Variants in ZBTB44 observed in about 807,000 individuals in gnomAD.
The protein encoded by ZBTB44 is zinc finger and BTB domain containing 44, also known as zinc finger and BTB domain-containing protein 44.
A neutral mutation model predicts 54.0 loss-of-function variants in ZBTB44; 15 were observed. The ratio of observed to expected loss-of-function variants is 0.28; its 90% CI spans 0.19 to 0.43. The LOEUF (loss-of-function observed/expected upper bound fraction) is 0.43. Among genes scored for constraint, ZBTB44 ranks in the 20% least tolerant of loss-of-function variants. The pLI is 1.00. For synonymous variants in ZBTB44, 230 were observed against 250.1 expected, an observed-to-expected ratio of 0.92 and a Z score of 0.76; for missense variants, 487 against 707.1, an observed-to-expected ratio of 0.69 and a Z score of 3.53.
At chr11:130,304,300 T>C (rs1490555864) in intron 1 of ZBTB44, among the ~76,000 whole-genome samples, 1 of 152,168 alleles carries the variant, frequency 6.6e-6, no homozygotes, top group Non-Finnish European at 1.5e-5. Flanking sequence ...AAACACCCCA[T>C]AACGCTTATA....
In ZBTB44 at chr11:130,226,810, T is replaced by C. The variant is rs1953707265; in HGVS notation, c.*4954A>G. 1 of 152,192 alleles carries C rather than the reference T, an allele frequency of 6.6e-6. No homozygotes were observed. Among genetic ancestry groups the C allele is most frequent in the Non-Finnish European group, 1.5e-5 (1 of 68,036 alleles). The allele number at this position is 152,192 out of a possible 1,614,324, so 9.4% of individuals were successfully genotyped here. A position where few individuals can be genotyped will look rare whatever the true frequency, so the allele number is the denominator to read the frequency against. ...TCCCTTTCCTAACTGCAACTTTATGTGTGACCATGTAATAAAGGCCAGTTT... is the reference window on the plus strand; with the variant it reads ...TCCCTTTCCTAACTGCAACTTTATGCGTGACCATGTAATAAAGGCCAGTTT... On this transcript the variant is annotated 3_prime_UTR_variant, in exon 8 of 8. Transcript: ENST00000357899.
chr11:130,312,196 A>G (rs931549807), intron 1 of ZBTB44, among the ~76,000 whole-genome samples: 3 of 152,214 alleles, frequency 2.0e-5, no homozygotes, highest in African/African-American at 7.2e-5. Flanking sequence ...TTTAAGCAAA[A>G]GTCATCATGG....
intron 1 of ZBTB44, among the ~76,000 whole-genome samples, chr11:130,312,387 T>C (rs1942661351): frequency 6.6e-6 from 1 of 152,216 alleles, no homozygotes. Flanking sequence ...GAATCTGACA[T>C]TGTGTGCCTC....
intron 7 of ZBTB44, chr11:130,233,015 G>GAAAAA (rs931632488): frequency 4.4e-6 from 1 of 227,460 alleles, no homozygotes; most frequent in African/African-American, 2.6e-5. Context: ...TAAAAAAAAA[G>GAAAAA]AAAAAAAAAA....
chr11:130,262,264 C>A (rs1041177944), intron 1 of ZBTB44, among the ~76,000 whole-genome samples: 9 of 152,100 alleles, frequency 5.9e-5, no homozygotes, highest in Non-Finnish European at 1.0e-4. Context: ...CTCAGCCTCC[C>A]GAGTAGCTGG....
chr11:130,260,507 G>A (rs192871455), intron 2 of ZBTB44, among the ~76,000 whole-genome samples: 1 of 152,184 alleles, frequency 6.6e-6, no homozygotes, highest in Admixed American at 6.5e-5. Flanking sequence ...GTCATTGCAG[G>A]GACTATGTGT....
At chr11:130,294,718 T>C (rs951422089) in intron 1 of ZBTB44, among the ~76,000 whole-genome samples, 3 of 152,156 alleles carry the variant, frequency 2.0e-5, no homozygotes, top group Non-Finnish European at 4.4e-5. Context: ...TCCCACATGC[T>C]TAGTGTTCCA....
rs1236316633 is a variant in ZBTB44, at chr11:130,302,016, C to CA, written c.-57+12358dup. ...ATAATGAGCCACGATCACACCACTG[C>CA]ACTCCAGCCTAGGCGACAGAGGGAG... is the stretch of plus-strand genomic sequence containing the variant. On this transcript the variant is annotated intron_variant, in intron 1 of 7. Transcript: ENST00000357899. Among the ~76,000 whole-genome samples, 31 of 149,632 alleles carry CA rather than the reference C, an allele frequency of 2.1e-4. 1 individual carries two copies. Among genetic ancestry groups the CA allele is most frequent in the Non-Finnish European group, 1.5e-5 (1 of 67,708 alleles).
chr11:130,275,869 GCC>G (rs1940025615), intron 1 of ZBTB44, among the ~76,000 whole-genome samples: 1 of 151,588 alleles, frequency 6.6e-6, no homozygotes, highest in Non-Finnish European at 1.5e-5. Context: ...CTCGTGATCG[GCC>G]CACCTTGGCC....
chr11:130,296,801 C>T (rs1941680705), intron 1 of ZBTB44: 1 of 755,626 alleles, frequency 1.3e-6, no homozygotes, highest in Non-Finnish European at 2.5e-6. Flanking sequence ...ATAAGTCATA[C>T]ATATGAGGTT....
chr11:130,257,312 T>C (rs1460250374), intron 2 of ZBTB44, among the ~76,000 whole-genome samples: 4 of 146,328 alleles, frequency 2.7e-5, no homozygotes, highest in East Asian at 2.0e-4. Flanking sequence ...TATTTGGAAA[T>C]AGGGTCTTAG....
At chr11:130,275,559 C>T (rs908681379) in intron 1 of ZBTB44, among the ~76,000 whole-genome samples, 1 of 152,140 alleles carries the variant, frequency 6.6e-6, no homozygotes, top group Non-Finnish European at 1.5e-5. Flanking sequence ...TTAATTACCA[C>T]ATATTTGTGA....
intron 1 of ZBTB44, among the ~76,000 whole-genome samples, chr11:130,267,882 G>A (rs113014488): frequency 0.041 from 6,198 of 151,166 alleles, 312 homozygotes; most frequent in African/African-American, 0.12. Flanking sequence ...GACCAACCTG[G>A]ACAACATGGT....
intron 1 of ZBTB44, among the ~76,000 whole-genome samples, chr11:130,298,455 GTTTTTTTT>G (rs996057514): frequency 8.6e-6 from 1 of 116,342 alleles, no homozygotes; most frequent in East Asian, 2.8e-4. Context: ...AAAAGTTGAA[GTTTTTTTT>G]TTTTTTTTTT....
chr11:130,233,301 T>G lies in ZBTB44; in HGVS notation c.*48+7A>C, dbSNP rs1202024488. On this transcript the variant is annotated splice_region_variant and intron_variant, in intron 7 of 7. Coordinates refer to ENST00000357899, the MANE Select transcript of ZBTB44 (RefSeq NM_001301098.2). ...GAAGAGTTCCTATGAAGCTGGGATT[T>G]ACATACTTCATTCTCCGTTCCTGGT... 2.0e-5 allele frequency: 31 copies of G among 1,514,332 alleles called. No individual in the cohort carries two copies. The African/African-American group carries it at 4.3e-4, about 21-fold the overall frequency. 93.8% of individuals were successfully genotyped at this position (1,514,332 alleles called of 1,614,324 possible). A position where few individuals can be genotyped will look rare whatever the true frequency, so the allele number is the denominator to read the frequency against.
chr11:130,273,785 G>T (rs1225897069), intron 1 of ZBTB44, among the ~76,000 whole-genome samples: 1 of 151,942 alleles, frequency 6.6e-6, no homozygotes, highest in Non-Finnish European at 1.5e-5. Context: ...AAAATGCTTG[G>T]GGGCCAGGCA....
chr11:130,258,362 A>G (rs1938596955), intron 2 of ZBTB44, among the ~76,000 whole-genome samples: 1 of 151,878 alleles, frequency 6.6e-6, no homozygotes, highest in Non-Finnish European at 1.5e-5. Flanking sequence ...TTTCTTTCAC[A>G]TGGTTTTAAG....
intron 2 of ZBTB44, among the ~76,000 whole-genome samples, chr11:130,240,179 C>A (rs111803927): frequency 0.013 from 1,959 of 151,762 alleles, 45 homozygotes; most frequent in African/African-American, 0.045. Context: ...GTAGCTGGGA[C>A]TACGGGCGCC....
chr11:130,276,427 G>A (rs1193294349), intron 1 of ZBTB44, among the ~76,000 whole-genome samples: 1 of 147,068 alleles, frequency 6.8e-6, no homozygotes, highest in Non-Finnish European at 1.5e-5. Context: ...TTTTCTATAC[G>A]TTTCTTTTTT....
Sources: gnomAD v4.1 joint callset for allele counts (sites outside exome capture counted in the v4.1 genomes callset) on GRCh38, gnomAD v4.1.1 for gene constraint, MANE v1.5 for transcripts, NCBI Gene and HGNC (gene_info 2026-07-23, HGNC 2026-07-21) for gene names.